The following CACNA1C variants were observed in gnomAD, a reference collection of about 807,000 sequenced individuals.
CACNA1C encodes the protein voltage-dependent L-type calcium channel subunit alpha-1C.
Under a neutral mutation model 229.0 loss-of-function variants are expected in CACNA1C, and 30 were observed. The ratio of observed to expected loss-of-function variants is 0.13; its 90% CI spans 0.10 to 0.18. CACNA1C has a LOEUF of 0.18. Among genes scored for constraint, CACNA1C ranks in the 10% least tolerant of loss-of-function variants. The probability of loss-of-function intolerance (pLI) is 1.00; values close to 1 mark genes in which losing one functional copy is unlikely to be tolerated. For missense variants in CACNA1C, 1,658 were observed against 2,845.0 expected, an observed-to-expected ratio of 0.58 and a Z score of 9.49; for synonymous variants, 1,114 against 1,132.5, an observed-to-expected ratio of 0.98 and a Z score of 0.33.
intron 37 of CACNA1C, among the ~76,000 whole-genome samples, chr12:2,667,900 T>C (rs2096301342): frequency 6.6e-6 from 1 of 152,182 alleles, no homozygotes; most frequent in Non-Finnish European, 1.5e-5. Flanking sequence ...TGTGGTGAGC[T>C]TCACACCGCG....
At chr12:2,003,998 C>T (rs2042784643) in intron 1 of CACNA1C, among the ~76,000 whole-genome samples, 1 of 152,174 alleles carries the variant, frequency 6.6e-6, no homozygotes, top group Non-Finnish European at 1.5e-5. Flanking sequence ...TCCTTCCTTT[C>T]CTTCGGCTCT....
chr12:2,452,452 G>A (rs2099387616), intron 4 of CACNA1C, among the ~76,000 whole-genome samples: 1 of 152,124 alleles, frequency 6.6e-6, no homozygotes, highest in South Asian at 2.1e-4. Flanking sequence ...CATTCTCTGG[G>A]CCTCACGATC....
intron 1 of CACNA1C, among the ~76,000 whole-genome samples, chr12:2,109,765 T>G (rs903517720): frequency 2.0e-5 from 3 of 152,168 alleles, no homozygotes; most frequent in African/African-American, 7.2e-5. Context: ...GGGCAAGAGA[T>G]AGGTAGTGGC....
In CACNA1C at chr12:2,004,274, G is replaced by A. The variant is rs758527838; in HGVS notation, c.139+33073G>A. The stretch of plus-strand genomic sequence containing the variant: ...TGGGCTGCACTGCTCCGCCGCGTCC[G>A]CACGCACCCACTCGTTGGCCCGATG... On this transcript the variant is annotated intron_variant, in intron 1 of 46. Coordinates refer to the CACNA1C transcript ENST00000682462. 1.4e-5 allele frequency: 23 copies of A among 1,612,822 alleles called. No homozygotes were observed. The South Asian group carries it at 2.3e-4, about 16-fold the overall frequency.
intron 3 of CACNA1C, among the ~76,000 whole-genome samples, chr12:2,279,554 C>T (rs7972103): frequency 0.068 from 10,295 of 152,248 alleles, 499 homozygotes; most frequent in African/African-American, 0.13. Flanking sequence ...GACCTCTTTG[C>T]TGTTTTGAAA....
chr12:2,183,379 T>A (rs1188492507), intron 3 of CACNA1C, among the ~76,000 whole-genome samples: 1 of 152,224 alleles, frequency 6.6e-6, no homozygotes. Flanking sequence ...GTCCCGCTGA[T>A]CTGGTAAGCA....
exon 1 of CACNA1C, chr12:1,970,929 C>CT (rs1432192526): frequency 4.5e-5 from 17 of 378,072 alleles, no homozygotes; most frequent in Non-Finnish European, 8.1e-5. Context: ...ACGATACGGC[C>CT]ATGTCAACTT....
At chr12:2,192,028 G>A (rs182060915) in intron 3 of CACNA1C, among the ~76,000 whole-genome samples, 7,818 of 148,180 alleles carry the variant, frequency 0.053, 258 homozygotes, top group Admixed American at 0.083. Context: ...ACATATACAC[G>A]CACTCACACA....
intron 29 of CACNA1C, among the ~76,000 whole-genome samples, chr12:2,629,985 TGGAAGGG>T (rs1455834261): frequency 1.3e-5 from 2 of 152,114 alleles, no homozygotes; most frequent in African/African-American, 4.8e-5. Context: ...AGTGGGGAGT[TGGAAGGG>T]GGAAATCCAC....
At chr12:2,553,679 A>T (rs1309288395) in intron 10 of CACNA1C, among the ~76,000 whole-genome samples, 3 of 152,236 alleles carry the variant, frequency 2.0e-5, no homozygotes, top group African/African-American at 7.2e-5. Flanking sequence ...GCATGGCAGA[A>T]GGCCCAGGCG....
At position 2,403,322 on chromosome 12, in the gene CACNA1C, T is replaced by C. The variant is rs2098700244; in HGVS notation, c.478-45654T>C. ...ACAGCTGACTAGCTGCTTGTGTCAT[T>C]GGACGAGTGACTTCCCCTCTTGTGT... On this transcript the variant is annotated intron_variant, in intron 3 of 46. Transcript: ENST00000399655. The surrounding 1 kb of genome is among the most constrained non-coding windows in gnomAD (Gnocchi z 4.1). Among the ~76,000 whole-genome samples, 1 of 152,158 alleles carries C rather than the reference T, an allele frequency of 6.6e-6. No individual in the cohort carries two copies. Among genetic ancestry groups the C allele is most frequent in the South Asian group, 2.1e-4 (1 of 4,822 alleles).
intron 3 of CACNA1C, among the ~76,000 whole-genome samples, chr12:2,445,962 CT>C (rs1354499647): frequency 2.0e-5 from 3 of 152,084 alleles, no homozygotes; most frequent in East Asian, 3.9e-4. Context: ...TACAGGGTCA[CT>C]TTTTGACAAT....
chr12:2,277,362 G>GACACACAC lies in CACNA1C; in HGVS notation c.477+156991_477+156998dup, dbSNP rs59258094. Among the ~76,000 whole-genome samples, 14 of 72,232 alleles carry GACACACAC rather than the reference G, an allele frequency of 1.9e-4. 1 individual carries two copies. Among genetic ancestry groups the GACACACAC allele is most frequent in the East Asian group, 1.5e-3 (4 of 2,720 alleles). 47.4% of individuals were successfully genotyped at this position (72,232 alleles called of 152,430 possible). A position where few individuals can be genotyped will look rare whatever the true frequency, so the allele number is the denominator to read the frequency against. ...AGACAGACAGACAGACAGACAGACA[G>GACACACAC]ACACACACACACACACACACACACA... On this transcript the variant is annotated intron_variant, in intron 3 of 46. Transcript: ENST00000399655.
intron 3 of CACNA1C, among the ~76,000 whole-genome samples, chr12:2,164,777 C>G (rs2096122289): frequency 6.6e-6 from 1 of 152,164 alleles, no homozygotes; most frequent in Admixed American, 6.5e-5. Context: ...GTACCACTTT[C>G]TTTTCAGAAA....
chr12:2,211,119 C>T (rs2097906583), intron 3 of CACNA1C, among the ~76,000 whole-genome samples: 1 of 152,196 alleles, frequency 6.6e-6, no homozygotes, highest in Non-Finnish European at 1.5e-5. Flanking sequence ...ACCCAGGAAT[C>T]AAGGTGGGTG....
intron 46 of CACNA1C, among the ~76,000 whole-genome samples, chr12:2,690,364 C>T (rs779752913): frequency 6.6e-6 from 1 of 152,208 alleles, no homozygotes; most frequent in Non-Finnish European, 1.5e-5. Context: ...GGGTCTCGCT[C>T]TGTCACCCAG....
chr12:2,682,429 TGC>T, intron 42 of CACNA1C, 119 bp from the exon 43 acceptor site: 1 of 1,159,058 alleles, frequency 8.6e-7, no homozygotes, highest in African/African-American at 1.5e-5. Context: ...CACGTGTGTG[TGC>T]TTGTGTTTGT....
intron 3 of CACNA1C, among the ~76,000 whole-genome samples, chr12:2,265,737 A>G (rs540611442): frequency 1.3e-5 from 2 of 152,322 alleles, no homozygotes; most frequent in African/African-American, 4.8e-5. Flanking sequence ...CGGGGGCTCC[A>G]GTGTGCTCCA....
chr12:2,272,810 C>T (rs1392882351), intron 3 of CACNA1C, among the ~76,000 whole-genome samples: 1 of 152,222 alleles, frequency 6.6e-6, no homozygotes, highest in Non-Finnish European at 1.5e-5. Context: ...TGCTACGTTA[C>T]ATTTATCCGT....
Sources: gnomAD v4.1 joint callset for allele counts (sites outside exome capture counted in the v4.1 genomes callset) on GRCh38, gnomAD v4.1.1 for gene constraint, Gnocchi (gnomAD v3.1) non-coding constraint, MANE v1.5 for transcripts, NCBI Gene and HGNC (gene_info 2026-07-23, HGNC 2026-07-21) for gene names.